The following PDSS1 variants were observed in gnomAD, a reference collection of about 807,000 sequenced individuals.
PDSS1 encodes the protein decaprenyl diphosphate synthase subunit 1.
Under a neutral mutation model 57.5 loss-of-function variants are expected in PDSS1, and 43 were observed. The observed-to-expected ratio is 0.75, with a 90% CI of 0.59 to 0.96. PDSS1 has a LOEUF of 0.96. Among genes scored for constraint, PDSS1 ranks in the 50% least tolerant of loss-of-function variants. PDSS1 has a pLI of 0.00. For missense variants in PDSS1, 438 were observed against 527.8 expected (o/e 0.83, Z 1.67); for synonymous variants, 175 against 191.3 (o/e 0.91, Z 0.70).
chr10:26,729,904 CTTTTTTTTTTT>C (rs71403886), intron 8 of PDSS1, among the ~76,000 whole-genome samples: 1 of 75,334 alleles, frequency 1.3e-5, no homozygotes, highest in East Asian at 4.3e-4. Context: ...TAGTTGGTTC[CTTTTTTTTTTT>C]TTTTTTTTTT....
intron 8 of PDSS1, among the ~76,000 whole-genome samples, chr10:26,725,023 AT>A (rs375652932): frequency 0.04 from 5,977 of 148,220 alleles, 148 homozygotes; most frequent in African/African-American, 0.062. Context: ...ACATGTATAC[AT>A]TTTTTTTTTA....
chr10:26,704,273 A>G (rs1016728038), intron 2 of PDSS1, among the ~76,000 whole-genome samples: 1 of 152,048 alleles, frequency 6.6e-6, no homozygotes, highest in Non-Finnish European at 1.5e-5. Flanking sequence ...ATGTTGAGGA[A>G]CACGAACTTA....
chr10:26,725,743 G>A (rs973773123), intron 8 of PDSS1, among the ~76,000 whole-genome samples: 16 of 152,212 alleles, frequency 1.1e-4, no homozygotes, highest in Middle Eastern at 3.4e-3. Context: ...GTTAAGTGAG[G>A]CTCATTGATA....
chr10:26,711,231 ATGT>A (rs1835400507), intron 5 of PDSS1, among the ~76,000 whole-genome samples: 1 of 100,442 alleles, frequency 1.0e-5, no homozygotes, highest in Admixed American at 1.2e-4. Flanking sequence ...GTAGACCATG[ATGT>A]ACTAATACAT....
At chr10:26,739,847 T>C (rs1175838493) in intron 10 of PDSS1, among the ~76,000 whole-genome samples, 1 of 151,972 alleles carries the variant, frequency 6.6e-6, no homozygotes, top group Non-Finnish European at 1.5e-5. Context: ...ATAAAAAATT[T>C]AAAAATTGGC....
At chr10:26,745,828 AGAGT>A (rs1328881231) in intron 11 of PDSS1, among the ~76,000 whole-genome samples, 2 of 152,160 alleles carry the variant, frequency 1.3e-5, no homozygotes, top group East Asian at 3.9e-4. Context: ...CTTGGGTGAC[AGAGT>A]GAGACCCTGT....
intron 1 of PDSS1, 153 bp from the exon 2 acceptor site, chr10:26,702,009 A>C: frequency 2.5e-6 from 1 of 405,058 alleles, no homozygotes; most frequent in Non-Finnish European, 5.0e-6. Context: ...TTGGAGCTTT[A>C]AGTAATGACT....
intron 8 of PDSS1, among the ~76,000 whole-genome samples, chr10:26,729,864 A>G (rs982486014): frequency 1.3e-5 from 2 of 151,126 alleles, no homozygotes; most frequent in African/African-American, 2.4e-5. Context: ...TCACAAAACA[A>G]ATTTGCAACC....
intron 4 of PDSS1, among the ~76,000 whole-genome samples, chr10:26,709,191 G>A (rs1354977664): frequency 6.6e-6 from 1 of 152,224 alleles, no homozygotes; most frequent in Non-Finnish European, 1.5e-5. Context: ...TGGCCCTGCA[G>A]CGTGGGAGCC....
rs549506636 is a variant in PDSS1 at position 26,737,638 on chromosome 10, A to G, written c.1026+2059A>G. 2.9e-3 allele frequency among the ~76,000 whole-genome samples: 428 copies of G among 148,674 alleles called. 1 individual carries two copies. Among genetic ancestry groups the G allele is most frequent in the African/African-American group, 9.8e-3 (395 of 40,512 alleles). On this transcript the variant is annotated intron_variant, in intron 10 of 11. Coordinates refer to ENST00000376215, the MANE Select transcript of PDSS1 (RefSeq NM_014317.5). ...TCCCAGCTACTCGGGAGGCCAAGGA[A>G]GGAGAATCCTTGAACCTGGGAGGCA...
chr10:26,722,839 T>A (rs1835832410), intron 6 of PDSS1, among the ~76,000 whole-genome samples: 1 of 151,996 alleles, frequency 6.6e-6, no homozygotes, highest in South Asian at 2.1e-4. Context: ...AGTGTAGACA[T>A]CCATCACAGT....
At chr10:26,700,653 G>A (rs796714277) in intron 1 of PDSS1, among the ~76,000 whole-genome samples, 17 of 152,090 alleles carry the variant, frequency 1.1e-4, no homozygotes, top group South Asian at 4.2e-4. Context: ...GTCTCCTGCC[G>A]CCTTGTGAAG....
intron 6 of PDSS1, 23 bp from the exon 7 acceptor site, chr10:26,723,783 G>C: frequency 4.6e-6 from 7 of 1,516,196 alleles, no homozygotes; most frequent in Non-Finnish European, 6.4e-6. Flanking sequence ...AGAACGTTCT[G>C]TTTTCCCCCT....
intron 8 of PDSS1, among the ~76,000 whole-genome samples, chr10:26,732,845 G>T (rs1372429459): frequency 6.6e-6 from 1 of 152,156 alleles, no homozygotes; most frequent in African/African-American, 2.4e-5. Flanking sequence ...TTTAGGCCGG[G>T]CACGGTGGCT....
At chr10:26,741,142 A>G (rs989647362) in intron 10 of PDSS1, among the ~76,000 whole-genome samples, 1 of 152,122 alleles carries the variant, frequency 6.6e-6, no homozygotes, top group Non-Finnish European at 1.5e-5. Context: ...GCTAAACCCC[A>G]AGCCAGTATA....
At chr10:26,743,579 AAT>A (rs1836703457) in intron 11 of PDSS1, among the ~76,000 whole-genome samples, 1 of 152,222 alleles carries the variant, frequency 6.6e-6, no homozygotes. Context: ...TAAAGAAGTC[AAT>A]ATTCCCTGGG....
chr10:26,705,531 C>T (rs943746564), intron 4 of PDSS1, 137 bp downstream of exon 4: 11 of 381,318 alleles, frequency 2.9e-5, no homozygotes, highest in East Asian at 5.1e-5. Flanking sequence ...TTGAGTGCAG[C>T]GGTGCAATCT....
At chr10:26,702,321 C>A in intron 2 of PDSS1, 127 bp downstream of exon 2, 1 of 342,424 alleles carries the variant, frequency 2.9e-6, no homozygotes, top group Non-Finnish European at 5.9e-6. Context: ...AGGGGCAGAA[C>A]GATATGGTTG....
At chr10:26,730,220 T>A (rs1315675452) in intron 8 of PDSS1, among the ~76,000 whole-genome samples, 5 of 151,982 alleles carry the variant, frequency 3.3e-5, no homozygotes, top group African/African-American at 1.2e-4. Context: ...CCTAGTTGGA[T>A]TCATTTTTAT....
Sources: allele counts gnomAD v4.1 joint callset (sites outside exome capture counted in the v4.1 genomes callset), GRCh38; gene constraint gnomAD v4.1.1; transcripts MANE v1.5; gene names NCBI Gene and HGNC (gene_info 2026-07-23, HGNC 2026-07-21).